SETDB2: variants seen among roughly 807,000 people sequenced by gnomAD.
SETDB2 encodes the protein histone-lysine N-methyltransferase SETDB2.
In SETDB2, 56 loss-of-function variants were observed where a neutral mutation model predicts 82.5. The ratio of observed to expected loss-of-function variants is 0.68; its 90% CI spans 0.55 to 0.85. SETDB2 has a LOEUF of 0.85. Among genes scored for constraint, SETDB2 ranks in the 40% least tolerant of loss-of-function variants. The pLI, the probability that SETDB2 is intolerant of heterozygous loss-of-function variation, is 0.00. For missense variants in SETDB2, 677 were observed against 816.4 expected, an observed-to-expected ratio of 0.83 and a Z score of 2.08; for synonymous variants, 272 against 284.9, an observed-to-expected ratio of 0.95 and a Z score of 0.46.
rs528148822 is a variant in SETDB2 at position 49,474,361 on chromosome 13, CTG to C, written c.306-2112_306-2111del. Among the ~76,000 whole-genome samples the C allele has an allele frequency of 2.6e-4, 39 of 152,342 alleles. 1 individual carries two copies. Among genetic ancestry groups the C allele is most frequent in the African/African-American group, 8.9e-4 (37 of 41,582 alleles). On this transcript the variant is annotated intron_variant, in intron 5 of 13. Transcript: ENST00000611815. The stretch of plus-strand genomic sequence containing the variant: ...CAAGATCCACCTGATTGATGAAACT[CTG>C]TGAAAACAGGCACTCTCATTTATTG...
chr13:49,473,248 A>G (rs943163433), intron 5 of SETDB2, among the ~76,000 whole-genome samples: 6 of 152,190 alleles, frequency 3.9e-5, no homozygotes, highest in African/African-American at 1.4e-4. Context: ...CAAAACAGGA[A>G]CCAAAAAATT....
chr13:49,489,244 C>T (rs1485465658), intron 12 of SETDB2: 2 of 171,710 alleles, frequency 1.2e-5, no homozygotes, highest in South Asian at 1.7e-4. Flanking sequence ...GCTGAGATTA[C>T]AGGCGTTAAT....
intron 4 of SETDB2, among the ~76,000 whole-genome samples, chr13:49,466,712 A>G (rs966680924): frequency 1.3e-5 from 2 of 152,022 alleles, no homozygotes; most frequent in African/African-American, 4.8e-5. Flanking sequence ...TGGTGCAAGT[A>G]TAGCTCACTA....
chr13:49,446,298 AG>A, intron 1 of SETDB2: 2 of 444,056 alleles, frequency 4.5e-6, no homozygotes, highest in Non-Finnish European at 9.0e-6. Context: ...TTGCGTGTCA[AG>A]GTTATACTTA....
intron 2 of SETDB2, among the ~76,000 whole-genome samples, chr13:49,459,565 T>G (rs1021399174): frequency 1.3e-5 from 2 of 152,216 alleles, no homozygotes; most frequent in African/African-American, 2.4e-5. Context: ...GATTGTTTCT[T>G]TAGGAAAATT....
intron 4 of SETDB2, among the ~76,000 whole-genome samples, 162 bp downstream of exon 4, chr13:49,461,324 A>G (rs1281271391): frequency 6.6e-6 from 1 of 152,222 alleles, no homozygotes; most frequent in Non-Finnish European, 1.5e-5. Context: ...TTAAATGAAA[A>G]GTCCTACCCA....
chr13:49,483,981 T>G (rs1958539228), intron 10 of SETDB2, among the ~76,000 whole-genome samples: 1 of 119,784 alleles, frequency 8.3e-6, no homozygotes, highest in South Asian at 2.5e-4. Context: ...TCAAAATGTT[T>G]GTGTTACTTT....
At chr13:49,476,110 T>TC (rs1958353972) in intron 5 of SETDB2, among the ~76,000 whole-genome samples, 1 of 152,140 alleles carries the variant, frequency 6.6e-6, no homozygotes, top group African/African-American at 2.4e-5. Flanking sequence ...ACAGCTGTAA[T>TC]CACAACTTCC....
chr13:49,456,713 A>G (rs748982116), intron 2 of SETDB2, among the ~76,000 whole-genome samples: 2 of 152,216 alleles, frequency 1.3e-5, no homozygotes, highest in Non-Finnish European at 2.9e-5. Context: ...TGTAGTAACT[A>G]TGTCTACAGT....
intron 10 of SETDB2, among the ~76,000 whole-genome samples, chr13:49,484,811 G>A (rs970127064): frequency 2.0e-5 from 3 of 152,140 alleles, no homozygotes; most frequent in Non-Finnish European, 4.4e-5. Flanking sequence ...GCAAATATTT[G>A]CCCTCTGCCT....
At chr13:49,489,290 T>G (rs1958655029) in intron 12 of SETDB2, 1 of 188,762 alleles carries the variant, frequency 5.3e-6, no homozygotes, top group Admixed American at 4.9e-5. Context: ...TGGCGGCTAG[T>G]GGGCAACAGA....
chr13:49,474,076 A>G (rs972511883), intron 5 of SETDB2, among the ~76,000 whole-genome samples: 1 of 152,228 alleles, frequency 6.6e-6, no homozygotes, highest in Non-Finnish European at 1.5e-5. Context: ...AGCCTGGCCC[A>G]CATGGCAAAA....
intron 12 of SETDB2, among the ~76,000 whole-genome samples, chr13:49,490,227 C>T (rs1399944281): frequency 1.5e-5 from 2 of 131,894 alleles, no homozygotes; most frequent in African/African-American, 3.0e-5. Context: ...TTGCAGTGAG[C>T]CAGGATCATG....
intron 2 of SETDB2, among the ~76,000 whole-genome samples, chr13:49,455,794 A>AG (rs1566156294): frequency 6.6e-6 from 1 of 151,228 alleles, no homozygotes; most frequent in African/African-American, 2.4e-5. Context: ...ACAAAAAAAA[A>AG]CTAGATAGTT....
intron 5 of SETDB2, among the ~76,000 whole-genome samples, chr13:49,474,416 A>G (rs1958313289): frequency 6.6e-6 from 1 of 152,240 alleles, no homozygotes; most frequent in African/African-American, 2.4e-5. Flanking sequence ...ATGGAGAACA[A>G]TTTGGCAATA....
chr13:49,491,990 G>C lies in SETDB2; in HGVS notation c.*141G>C. The C allele has an allele frequency of 1.4e-6, 1 of 725,520 alleles. No homozygotes were observed. Among genetic ancestry groups the C allele is most frequent in the Non-Finnish European group, 2.5e-6 (1 of 404,124 alleles). 44.9% of individuals were successfully genotyped at this position (725,520 alleles called of 1,614,324 possible). A position where few individuals can be genotyped will look rare whatever the true frequency, so the allele number is the denominator to read the frequency against. On this transcript the variant is annotated 3_prime_UTR_variant, in exon 14 of 14. Coordinates refer to ENST00000611815, the MANE Select transcript of SETDB2 (RefSeq NM_001160308.3). ...TTATGTTTTATTTCAGATTTTATTT[G>C]TGTGACTTAGAAATTCCAGGAACAC...
At chr13:49,477,438 A>G (rs912594769) in intron 6 of SETDB2, among the ~76,000 whole-genome samples, 6 of 152,084 alleles carry the variant, frequency 3.9e-5, no homozygotes, top group Admixed American at 6.6e-5. Context: ...CCTGTCTCCA[A>G]AAAATAAAAA....
intron 5 of SETDB2, among the ~76,000 whole-genome samples, chr13:49,473,875 G>A (rs776830857): frequency 3.9e-5 from 6 of 152,106 alleles, no homozygotes; most frequent in Non-Finnish European, 8.8e-5. Context: ...TTCCTTATAA[G>A]AAAAAGTGGT....
chr13:49,488,608 G>A lies in SETDB2; in HGVS notation c.1895G>A (p.Gly632Glu), dbSNP rs759545903. The A allele has an allele frequency of 6.3e-6, 10 of 1,598,408 alleles. No individual in the cohort carries two copies. The change falls in exon 12 of 14, where the codon GGA becomes GAA. Residue 632 changes from glycine to glutamate, a missense_variant. Transcript: ENST00000611815. Reference protein sequence around the residue: ...NVFLLDATKEGNVGRFLNHSC... With the variant: ...NVFLLDATKEENVGRFLNHSC... ...TTTTTATTGGATGCCACAAAAGAAGGAAATGTCGGCCGCTTCCTTAATGTG... is the reference window on the plus strand; with the variant it reads ...TTTTTATTGGATGCCACAAAAGAAGAAAATGTCGGCCGCTTCCTTAATGTG...
Sources: gnomAD v4.1 joint callset for allele counts (sites outside exome capture counted in the v4.1 genomes callset) on GRCh38, gnomAD v4.1.1 for gene constraint, MANE v1.5 for transcripts, NCBI Gene and HGNC (gene_info 2026-07-23, HGNC 2026-07-21) for gene names.